Variants in KIF6 observed in about 807,000 individuals in gnomAD.
KIF6 encodes the protein kinesin family member 6.
KIF6 carries 106 observed loss-of-function variants against 112.7 expected under a neutral mutation model. The observed-to-expected ratio is 0.94, with a 90% CI of 0.80 to 1.11. The LOEUF is 1.11. Among genes scored for constraint, KIF6 ranks in the 50% least tolerant of loss-of-function variants. KIF6 has a pLI of 0.00. For missense variants in KIF6, 929 were observed against 964.0 expected, an observed-to-expected ratio of 0.96 and a Z score of 0.48; for synonymous variants, 339 against 339.9, an observed-to-expected ratio of 1.00 and a Z score of 0.03.
chr6:39,339,763 C>A (rs1250877219), intron 22 of KIF6, among the ~76,000 whole-genome samples: 1 of 152,198 alleles, frequency 6.6e-6, no homozygotes, highest in Admixed American at 6.5e-5. Flanking sequence ...CACGCCTGCC[C>A]CTGGCAGGGA....
At chr6:39,586,473 T>C (rs1242396388) in intron 7 of KIF6, 69 bp from the exon 8 acceptor site, 12 of 1,265,104 alleles carry the variant, frequency 9.5e-6, no homozygotes, top group Non-Finnish European at 1.2e-5. Context: ...ACAACAGAGC[T>C]TCAATAGCAA....
At chr6:39,654,090 G>C (rs1163289946) in intron 3 of KIF6, among the ~76,000 whole-genome samples, 1 of 152,152 alleles carries the variant, frequency 6.6e-6, no homozygotes, top group Non-Finnish European at 1.5e-5. Flanking sequence ...AAGATGACAA[G>C]AGGAAAGAGT....
intron 3 of KIF6, among the ~76,000 whole-genome samples, chr6:39,685,293 G>C (rs1018319082): frequency 6.6e-6 from 1 of 151,940 alleles, no homozygotes; most frequent in Non-Finnish European, 1.5e-5. Context: ...ACTGGCCTTT[G>C]GCAGAGACAG....
intron 3 of KIF6, among the ~76,000 whole-genome samples, chr6:39,684,627 A>G (rs1266402149): frequency 1.3e-5 from 2 of 151,460 alleles, no homozygotes; most frequent in East Asian, 3.9e-4. Flanking sequence ...AAAAAAAAAA[A>G]AAAAATACAA....
chr6:39,479,426 T>G (rs1023091308), intron 13 of KIF6, among the ~76,000 whole-genome samples: 7 of 152,202 alleles, frequency 4.6e-5, no homozygotes, highest in Admixed American at 1.3e-4. Context: ...GGCTTAGTTC[T>G]GGGTTCTTTA....
chr6:39,659,495 C>T (rs1786003405), intron 3 of KIF6, among the ~76,000 whole-genome samples: 1 of 152,034 alleles, frequency 6.6e-6, no homozygotes, highest in African/African-American at 2.4e-5. Context: ...GGGTGTGTTC[C>T]CACCCAAATC....
intron 19 of KIF6, among the ~76,000 whole-genome samples, chr6:39,352,286 A>G (rs1301800273): frequency 6.6e-6 from 1 of 152,248 alleles, no homozygotes; most frequent in East Asian, 1.9e-4. Context: ...ATTATGAACT[A>G]AAGTCCATGG....
At chr6:39,532,019 G>A (rs1778094621) in intron 13 of KIF6, among the ~76,000 whole-genome samples, 2 of 152,042 alleles carry the variant, frequency 1.3e-5, no homozygotes, top group Admixed American at 1.3e-4. Context: ...GATTCTCTCT[G>A]CTTGTAATAT....
At chr6:39,337,382 G>A (rs566743892) in intron 22 of KIF6, among the ~76,000 whole-genome samples, 3 of 149,630 alleles carry the variant, frequency 2.0e-5, no homozygotes, top group South Asian at 2.1e-4. Context: ...GCACAATCTC[G>A]GCTCACTGCA....
intron 14 of KIF6, among the ~76,000 whole-genome samples, chr6:39,425,304 C>T (rs1770687113): frequency 6.6e-6 from 1 of 152,226 alleles, no homozygotes; most frequent in South Asian, 2.1e-4. Flanking sequence ...ATAGAGTGAA[C>T]ATCCAATACC....
At chr6:39,532,106 A>G (rs1292325203) in intron 13 of KIF6, among the ~76,000 whole-genome samples, 3 of 152,006 alleles carry the variant, frequency 2.0e-5, no homozygotes, top group Non-Finnish European at 4.4e-5. Flanking sequence ...GCTTCCTGGT[A>G]TGTGCTTTCT....
intron 3 of KIF6, among the ~76,000 whole-genome samples, chr6:39,700,333 A>C (rs1363534013): frequency 6.6e-6 from 1 of 152,238 alleles, no homozygotes; most frequent in Non-Finnish European, 1.5e-5. Context: ...AGTATTTTAT[A>C]AACTGTGACA....
At chr6:39,720,648 A>C in intron 2 of KIF6, 54 bp downstream of exon 2, 1 of 915,604 alleles carries the variant, frequency 1.1e-6, no homozygotes, top group South Asian at 1.3e-5. Context: ...AATGCAGTAC[A>C]AGAGTTAGTT....
intron 15 of KIF6, among the ~76,000 whole-genome samples, chr6:39,395,158 T>G (rs1768168237): frequency 6.6e-6 from 1 of 152,232 alleles, no homozygotes; most frequent in South Asian, 2.1e-4. Context: ...GGATATTCAC[T>G]TGGGCTACCC....
At chr6:39,584,433 A>C (rs1384046912) in intron 9 of KIF6, among the ~76,000 whole-genome samples, 2,081 of 98,028 alleles carry the variant, frequency 0.021, 89 homozygotes, top group Non-Finnish European at 0.03. Context: ...AAAAAAAAAA[A>C]AAAAAAAAAA....
chr6:39,641,990 A>G (rs1260715747), intron 3 of KIF6, among the ~76,000 whole-genome samples: 1 of 152,134 alleles, frequency 6.6e-6, no homozygotes, highest in African/African-American at 2.4e-5. Flanking sequence ...TGCTACAATT[A>G]AACGTTAAAT....
At chr6:39,367,780 C>T (rs950278558) in intron 16 of KIF6, among the ~76,000 whole-genome samples, 3 of 152,142 alleles carry the variant, frequency 2.0e-5, no homozygotes, top group East Asian at 1.9e-4. Context: ...TCCTCTCAAA[C>T]GCTCTCTCTC....
chr6:39,560,248 G>A (rs891378505), intron 10 of KIF6, among the ~76,000 whole-genome samples: 5 of 152,204 alleles, frequency 3.3e-5, no homozygotes, highest in Admixed American at 6.5e-5. Context: ...AGAATAAAAC[G>A]TAGTGCAAGC....
At chr6:39,723,571 AG>A (rs1389050914) in intron 1 of KIF6, among the ~76,000 whole-genome samples, 1 of 152,218 alleles carries the variant, frequency 6.6e-6, no homozygotes, top group African/African-American at 2.4e-5. Context: ...GCCATAAAAA[AG>A]GATGAGTTCA....
Sources: gnomAD v4.1 joint callset for allele counts (sites outside exome capture counted in the v4.1 genomes callset) on GRCh38, gnomAD v4.1.1 for gene constraint, MANE v1.5 for transcripts, NCBI Gene and HGNC (gene_info 2026-07-23, HGNC 2026-07-21) for gene names.